The following HADHA variants were observed in gnomAD, a reference collection of about 807,000 sequenced individuals.
HADHA encodes hydroxyacyl-CoA dehydrogenase trifunctional multienzyme complex subunit alpha.
HADHA carries 59 observed loss-of-function variants against 91.3 expected under a neutral mutation model. The observed-to-expected ratio is 0.65, with a 90% CI of 0.52 to 0.80. HADHA has a LOEUF of 0.80. Among genes scored for constraint, HADHA ranks in the 30% least tolerant of loss-of-function variants. HADHA has a pLI of 0.00. For synonymous variants in HADHA, 320 were observed against 338.9 expected, an observed-to-expected ratio of 0.94 and a Z score of 0.61; for missense variants, 800 against 927.6, an observed-to-expected ratio of 0.86 and a Z score of 1.79.
At chr2:26,224,194 T>C (rs997330213) in intron 7 of HADHA, among the ~76,000 whole-genome samples, 1 of 152,236 alleles carries the variant, frequency 6.6e-6, no homozygotes, top group Non-Finnish European at 1.5e-5. Context: ...CCTCAACCAG[T>C]GTACCATTCC....
In HADHA at chr2:26,197,717, C is replaced by A. The variant is rs958717402; in HGVS notation, c.1453G>T (p.Ala485Ser). 9.8e-6 allele frequency: 15 copies of A among 1,536,842 alleles called. No individual in the cohort carries two copies. In the Middle Eastern group the frequency reaches 1.3e-3, roughly 138 times the overall value. ...TTCTCAGGTCTTTTGCTGACAGCAG[C>A]GATTTCACTGATTGGGAGAGCAGAT... ...NTSALPISEI[A>S]AVSKRPEKVI... is the part of the protein sequence containing the mutation. Residue 485 changes from alanine to serine, a missense_variant, in exon 14 of 20, where the codon GCT becomes TCT. Physicochemically the swap from Ala to Ser is moderately conservative, Grantham distance 99 (BLOSUM62 1). Transcript: ENST00000380649.
chr2:26,226,414 AATT>A (rs1422973698), intron 7 of HADHA, among the ~76,000 whole-genome samples: 2 of 152,206 alleles, frequency 1.3e-5, no homozygotes, highest in Non-Finnish European at 2.9e-5. Flanking sequence ...CATACTGCTT[AATT>A]TCAGGATTCC....
intron 7 of HADHA, among the ~76,000 whole-genome samples, chr2:26,219,444 CA>C (rs1409985043): frequency 1.3e-5 from 2 of 152,040 alleles, no homozygotes; most frequent in Non-Finnish European, 2.9e-5. Flanking sequence ...ATTATTAATC[CA>C]AAAGAAAGCA....
chr2:26,207,319 GT>G (rs551382537), intron 11 of HADHA, among the ~76,000 whole-genome samples: 3,043 of 131,008 alleles, frequency 0.023, 32 homozygotes, highest in African/African-American at 0.053. Context: ...TATTTAGTAG[GT>G]TTTTTTTTTT....
intron 7 of HADHA, among the ~76,000 whole-genome samples, chr2:26,226,871 A>G (rs143713734): frequency 6.6e-6 from 1 of 152,246 alleles, no homozygotes; most frequent in Non-Finnish European, 1.5e-5. Flanking sequence ...GAAAGTATAC[A>G]GGAAAACTTA....
At chr2:26,228,370 A>G (rs1242226795) in intron 7 of HADHA, among the ~76,000 whole-genome samples, 1 of 152,190 alleles carries the variant, frequency 6.6e-6, no homozygotes, top group Admixed American at 6.5e-5. Flanking sequence ...ACCTCAGGTG[A>G]TCAGCCTGCC....
At chr2:26,219,999 A>G (rs756419826) in intron 7 of HADHA, among the ~76,000 whole-genome samples, 4 of 152,124 alleles carry the variant, frequency 2.6e-5, no homozygotes, top group Non-Finnish European at 4.4e-5. Context: ...TCTTGAGGAG[A>G]CTTTCCTGTT....
intron 6 of HADHA, 73 bp from the exon 7 acceptor site, chr2:26,230,367 C>A: frequency 1.1e-6 from 1 of 880,488 alleles, no homozygotes; most frequent in South Asian, 1.3e-5. Flanking sequence ...TACAAATCAT[C>A]AAATGAACAA....
chr2:26,195,864 ATTT>A (rs1337057656), intron 14 of HADHA, among the ~76,000 whole-genome samples: 2 of 152,192 alleles, frequency 1.3e-5, no homozygotes, highest in Non-Finnish European at 2.9e-5. Context: ...TGGGGCCCAG[ATTT>A]GTTTTAATAA....
chr2:26,237,380 A>C (rs1370570713), intron 3 of HADHA, among the ~76,000 whole-genome samples: 1 of 152,222 alleles, frequency 6.6e-6, no homozygotes, highest in Non-Finnish European at 1.5e-5. Context: ...TAATCCCTGC[A>C]CTTTGGGAGG....
chr2:26,227,681 A>G (rs2147778225), intron 7 of HADHA, among the ~76,000 whole-genome samples: 1 of 152,210 alleles, frequency 6.6e-6, no homozygotes, highest in Non-Finnish European at 1.5e-5. Flanking sequence ...AAGCAAACAC[A>G]TACCTAGCAA....
chr2:26,197,180 G>T (rs1014867591), intron 14 of HADHA, among the ~76,000 whole-genome samples: 1 of 152,128 alleles, frequency 6.6e-6, no homozygotes, highest in African/African-American at 2.4e-5. Flanking sequence ...TAATTACTCT[G>T]GTTGAGAGCA....
At chr2:26,225,465 C>T (rs1051977551) in intron 7 of HADHA, among the ~76,000 whole-genome samples, 19 of 150,818 alleles carry the variant, frequency 1.3e-4, no homozygotes, top group African/African-American at 4.6e-4. Flanking sequence ...TATCCTGATG[C>T]CAACACCACG....
chr2:26,239,259 A>T, intron 1 of HADHA, 116 bp from the exon 2 acceptor site: 3 of 786,372 alleles, frequency 3.8e-6, no homozygotes, highest in Non-Finnish European at 6.9e-6. Flanking sequence ...AATCTGTACA[A>T]TGTATTCTAG....
intron 4 of HADHA, among the ~76,000 whole-genome samples, chr2:26,236,359 G>GTGTGTGTATATATATATA (rs141555532): frequency 1.5e-5 from 2 of 137,872 alleles, no homozygotes; most frequent in African/African-American, 5.4e-5. Flanking sequence ...GTGTGTGTGT[G>GTGTGTGTATATATATATA]TATATATATA....
chr2:26,221,536 T>C lies in HADHA; in HGVS notation c.677-6361A>G, dbSNP rs893204613. Among the ~76,000 whole-genome samples the C allele has an allele frequency of 6.6e-6, 1 of 152,126 alleles. No individual in the cohort carries two copies. Among genetic ancestry groups the C allele is most frequent in the Admixed American group, 6.5e-5 (1 of 15,272 alleles). ...GTGGGGTGTACACGGTAGCACTCCA[T>C]TATCAAATGGAAGTGGTATATGTAA... is the stretch of plus-strand genomic sequence containing the variant. On this transcript the variant is annotated intron_variant, in intron 7 of 19. Transcript: ENST00000380649. This position sits in a 1 kb window ranked among gnomAD's most constrained non-coding sequence, Gnocchi z 4.8.
At chr2:26,239,057 C>T in intron 2 of HADHA, 45 bp downstream of exon 2, 1 of 1,569,784 alleles carries the variant, frequency 6.4e-7, no homozygotes, top group Non-Finnish European at 8.8e-7. Context: ...AACATAAATC[C>T]AAAAAGCAAT....
At chr2:26,205,438 A>T (rs1017786510) in intron 11 of HADHA, among the ~76,000 whole-genome samples, 7 of 152,246 alleles carry the variant, frequency 4.6e-5, no homozygotes, top group Non-Finnish European at 1.0e-4. Context: ...AGTGATAAGT[A>T]ATTGCAGGAC....
In HADHA at chr2:26,214,120, C is replaced by T. The variant is rs1438473776; in HGVS notation, c.918+323G>A. Among the ~76,000 whole-genome samples the T allele has an allele frequency of 6.6e-6, 1 of 152,196 alleles. No homozygotes were observed. The highest frequency in any genetic ancestry group is 2.4e-5 in the African/African-American group (1 of 41,456). ...AACAGAGCCATCAATTTTGTTTCAA[C>T]TACTTTTTGGTTAGTGCCTGACACT... On this transcript the variant is annotated intron_variant, in intron 9 of 19. Transcript: ENST00000380649. This position sits in a 1 kb window ranked among gnomAD's most constrained non-coding sequence, Gnocchi z 4.1.
Sources: allele counts gnomAD v4.1 joint callset (sites outside exome capture counted in the v4.1 genomes callset), GRCh38; gene constraint gnomAD v4.1.1; non-coding constraint Gnocchi (gnomAD v3.1); transcripts MANE v1.5; gene names NCBI Gene and HGNC (gene_info 2026-07-23, HGNC 2026-07-21).